The following ESF1 variants were observed in gnomAD, a reference collection of about 807,000 sequenced individuals.
ESF1 encodes the protein ESF1 nucleolar pre-rRNA processing protein, also known as ESF1 homolog.
ESF1 carries 58 observed loss-of-function variants against 92.0 expected under a neutral mutation model. The observed-to-expected ratio is 0.63, with a 90% confidence interval of 0.51 to 0.78. The LOEUF (loss-of-function observed/expected upper bound fraction) is 0.78. ESF1 is among the 30% of genes least tolerant of loss of function. The probability of loss-of-function intolerance (pLI) is 0.00; values close to 1 mark genes in which losing one functional copy is unlikely to be tolerated. For synonymous variants in ESF1, 321 were observed against 313.7 expected, an observed-to-expected ratio of 1.02 and a Z score of -0.24; for missense variants, 922 against 989.1, an observed-to-expected ratio of 0.93 and a Z score of 0.91.
At chr20:13,724,580 G>A (rs1414425298) in intron 11 of ESF1, among the ~76,000 whole-genome samples, 1 of 152,092 alleles carries the variant, frequency 6.6e-6, no homozygotes, top group Non-Finnish European at 1.5e-5. Flanking sequence ...CACAAATTTA[G>A]TTTTTGCTGG....
At chr20:13,737,371 A>T (rs1201754337) in intron 9 of ESF1, among the ~76,000 whole-genome samples, 1 of 152,184 alleles carries the variant, frequency 6.6e-6, no homozygotes, top group Non-Finnish European at 1.5e-5. Flanking sequence ...TCCTTGCAAA[A>T]CACACAAAAA....
intron 13 of ESF1, among the ~76,000 whole-genome samples, chr20:13,717,001 T>G (rs963361810): frequency 2.0e-5 from 3 of 151,752 alleles, no homozygotes; most frequent in Admixed American, 1.3e-4. Context: ...GTATTTTTAG[T>G]AGAGATGGGG....
chr20:13,769,144 C>T (rs1979566831), intron 7 of ESF1, among the ~76,000 whole-genome samples: 1 of 152,106 alleles, frequency 6.6e-6, no homozygotes, highest in Admixed American at 6.5e-5. Context: ...TCCACTTCCC[C>T]TTATTCCCTA....
At chr20:13,774,881 A>C (rs1979852850) in intron 4 of ESF1, among the ~76,000 whole-genome samples, 2 of 152,146 alleles carry the variant, frequency 1.3e-5, no homozygotes, top group Non-Finnish European at 2.9e-5. Context: ...AATGCAATTT[A>C]TTGTTAAAAA....
intron 11 of ESF1, among the ~76,000 whole-genome samples, chr20:13,720,430 C>T (rs1049354466): frequency 6.6e-6 from 1 of 152,144 alleles, no homozygotes; most frequent in Admixed American, 6.6e-5. Context: ...ATAAGCATTG[C>T]CTATGAAGTA....
chr20:13,770,585 C>T (rs1057167290), intron 6 of ESF1, among the ~76,000 whole-genome samples: 1 of 152,188 alleles, frequency 6.6e-6, no homozygotes, highest in Non-Finnish European at 1.5e-5. Context: ...TGGGTTCAAG[C>T]GATCTTCCTG....
chr20:13,734,182 C>T (rs932956738), intron 9 of ESF1, among the ~76,000 whole-genome samples: 13 of 152,094 alleles, frequency 8.5e-5, no homozygotes, highest in African/African-American at 3.1e-4. Context: ...TTTTGAGATG[C>T]TAAGAAAACT....
chr20:13,777,336 C>A (rs954585952), intron 2 of ESF1, among the ~76,000 whole-genome samples: 31 of 152,048 alleles, frequency 2.0e-4, no homozygotes, highest in Admixed American at 1.9e-3. Flanking sequence ...GCTTTCAGAG[C>A]TAGTTAGCTA....
At chr20:13,748,367 A>T (rs1770801371) in intron 9 of ESF1, among the ~76,000 whole-genome samples, 1 of 148,084 alleles carries the variant, frequency 6.8e-6, no homozygotes, top group African/African-American at 2.5e-5. Flanking sequence ...CAAGCATCCA[A>T]TAAGTGCAAA....
At chr20:13,762,180 C>G (rs1291627457) in intron 8 of ESF1, among the ~76,000 whole-genome samples, 1 of 151,974 alleles carries the variant, frequency 6.6e-6, no homozygotes, top group Non-Finnish European at 1.5e-5. Flanking sequence ...TGGAAAAAAA[C>G]TGGTTAAGTA....
chr20:13,776,035 C>G lies in ESF1; in HGVS notation c.873G>C (p.Glu291Asp). ...DEEEDEDEDS[E>D]DDDKSDSGPD... The stretch of plus-strand genomic sequence containing the variant: ...GGCCACTGTCACTTTTATCATCATC[C>G]TCACTATCCTCATCTTCATCCTCCT... The change falls in exon 3 of 14, where the codon GAG (glutamate) becomes GAC (aspartate). Residue 291 changes from glutamate to aspartate, a missense_variant. Transcript: ENST00000617257. The G allele has an allele frequency of 5.0e-6, 8 of 1,613,868 alleles. No individual in the cohort carries two copies. The highest frequency in any genetic ancestry group is 6.8e-6 in the Non-Finnish European group (8 of 1,179,886).
At chr20:13,736,666 AT>A (rs1409543205) in intron 9 of ESF1, among the ~76,000 whole-genome samples, 2 of 152,226 alleles carry the variant, frequency 1.3e-5, no homozygotes, top group African/African-American at 4.8e-5. Context: ...CAGAAAATGA[AT>A]CAAAACTTTA....
At chr20:13,781,929 T>C (rs763883071) in intron 2 of ESF1, among the ~76,000 whole-genome samples, 17 of 152,316 alleles carry the variant, frequency 1.1e-4, no homozygotes, top group South Asian at 2.1e-4. Context: ...CAGTCTGGAG[T>C]GCAGTGGTGC....
At chr20:13,731,917 G>A (rs754728132) in intron 10 of ESF1, among the ~76,000 whole-genome samples, 4 of 152,184 alleles carry the variant, frequency 2.6e-5, no homozygotes, top group South Asian at 2.1e-4. Flanking sequence ...AGGGTGGAGC[G>A]CCCAGGGAGG....
At chr20:13,772,719 A>G in intron 4 of ESF1, 104 bp from the exon 5 acceptor site, 2 of 774,258 alleles carry the variant, frequency 2.6e-6, no homozygotes, top group Admixed American at 4.1e-5. Flanking sequence ...TGACTCAATG[A>G]AAACAGTAAG....
chr20:13,729,050 GGAGTTT>G (rs2049923315), intron 10 of ESF1, among the ~76,000 whole-genome samples: 1 of 152,124 alleles, frequency 6.6e-6, no homozygotes, highest in Admixed American at 6.5e-5. Flanking sequence ...CTTGAGATCA[GGAGTTT>G]GAGACCAGCC....
At chr20:13,763,733 C>T (rs1278019483) in intron 8 of ESF1, among the ~76,000 whole-genome samples, 4 of 152,060 alleles carry the variant, frequency 2.6e-5, no homozygotes, top group Non-Finnish European at 4.4e-5. Flanking sequence ...TTTGGAATGC[C>T]AAAAGAATTA....
chr20:13,725,589 G>A (rs1001386556), intron 11 of ESF1, among the ~76,000 whole-genome samples: 3 of 152,022 alleles, frequency 2.0e-5, no homozygotes, highest in Admixed American at 1.3e-4. Flanking sequence ...TTTCCCAGCC[G>A]CCGCTTCTCA....
chr20:13,736,257 T>C (rs77027779), intron 9 of ESF1, among the ~76,000 whole-genome samples: 7,923 of 152,222 alleles, frequency 0.052, 377 homozygotes, highest in African/African-American at 0.12. Context: ...TAGATGCTAG[T>C]AACTCCAGGT....
Sources: gnomAD v4.1 joint callset for allele counts (sites outside exome capture counted in the v4.1 genomes callset) on GRCh38, gnomAD v4.1.1 for gene constraint, MANE v1.5 for transcripts, NCBI Gene and HGNC (gene_info 2026-07-23, HGNC 2026-07-21) for gene names.